Variants in SERPINE3 observed in about 807,000 individuals in gnomAD.
SERPINE3 encodes serpin E3.
In SERPINE3, 43 loss-of-function variants were observed where a neutral mutation model predicts 41.7. The observed-to-expected ratio is 1.03, with a 90% CI of 0.81 to 1.33. The LOEUF (loss-of-function observed/expected upper bound fraction) is 1.33, where lower values mean the gene tolerates loss of function less well. Ranked by LOEUF, SERPINE3 falls within the 40% of genes most tolerant of loss-of-function variation. The pLI is 0.00. For missense variants in SERPINE3, 440 were observed against 491.7 expected, an observed-to-expected ratio of 0.89 and a Z score of 0.99; for synonymous variants, 200 against 192.2, an observed-to-expected ratio of 1.04 and a Z score of -0.34.
Position 51,355,157 on chromosome 13 carries a change from T to G in SERPINE3, c.1000+14T>G. On this transcript the variant is annotated intron_variant, in intron 7 of 9. Transcript: ENST00000681248. ...AAGGAATTTCAGGTAAAAACGGTTC[T>G]TCTTCCAAACGTTCTAGCCGTGTAT... The G allele has an allele frequency of 1.9e-5, 26 of 1,344,640 alleles. No individual in the cohort carries two copies. Among genetic ancestry groups the G allele is most frequent in the Non-Finnish European group, 2.6e-5 (25 of 959,130 alleles). The allele number at this position is 1,344,640 out of a possible 1,614,324, so 83.3% of individuals were successfully genotyped here. A position where few individuals can be genotyped will look rare whatever the true frequency, so the allele number is the denominator to read the frequency against.
chr13:51,341,419 C>T, intron 3 of SERPINE3, 72 bp downstream of exon 3: 2 of 1,370,260 alleles, frequency 1.5e-6, no homozygotes, highest in Non-Finnish European at 2.0e-6. Context: ...GCTCACCCTC[C>T]TGCTCACACT....
At chr13:51,346,666 G>T (rs1955349410) in intron 4 of SERPINE3, among the ~76,000 whole-genome samples, 2 of 152,126 alleles carry the variant, frequency 1.3e-5, no homozygotes, top group South Asian at 4.1e-4. Context: ...CCCAGCAGGG[G>T]TTGTCATTGT....
rs77752528 is a variant in SERPINE3 at position 51,344,618 on chromosome 13, T to A, written c.490+133T>A. ...AGCAGAAGTCTGTCCTCTTAGGAGA[T>A]CCTACCCTTGAATGACAAGGGGACA... On this transcript the variant is annotated intron_variant, in intron 4 of 9. Transcript: ENST00000681248. 2,765 of 702,112 alleles carry A rather than the reference T, an allele frequency of 3.9e-3. 62 individuals carry two copies. In the African/African-American group the frequency reaches 0.045, roughly 11 times the overall value. 43.5% of individuals were successfully genotyped at this position (702,112 alleles called of 1,614,324 possible).
intron 7 of SERPINE3, among the ~76,000 whole-genome samples, chr13:51,360,796 A>T (rs191915176): frequency 6.6e-6 from 1 of 152,170 alleles, no homozygotes; most frequent in East Asian, 1.9e-4. Flanking sequence ...TTTGTCATTT[A>T]AAAGTGGCTC....
At position 51,348,202 on chromosome 13, in the gene SERPINE3, T is replaced by A; in HGVS notation, c.701-11T>A. The A allele has an allele frequency of 6.4e-7, 1 of 1,570,662 alleles. No individual in the cohort carries two copies. The highest frequency in any genetic ancestry group is 1.8e-5 in the Admixed American group (1 of 54,288). ...GGGACAGAGCTGACCTCTGATCCAC[T>A]GTACCCTCAGGTCAGTTCCAGGACA... On this transcript the variant is annotated splice_polypyrimidine_tract_variant and intron_variant, in intron 5 of 9. Transcript: ENST00000681248.
intron 6 of SERPINE3, among the ~76,000 whole-genome samples, chr13:51,351,403 G>A (rs888275411): frequency 1.3e-5 from 2 of 152,090 alleles, no homozygotes; most frequent in Non-Finnish European, 2.9e-5. Context: ...TGACTAATGA[G>A]GTAGAGCATC....
chr13:51,345,842 C>A lies in SERPINE3; in HGVS notation c.491-1183C>A, dbSNP rs781184588. ...CCAGAGAAGCAGCTCCCAGTGCAGG[C>A]TGATTGTCCTCTAAGAAAAAGGGGC... is the stretch of plus-strand genomic sequence containing the variant. On this transcript the variant is annotated intron_variant, in intron 4 of 9. Coordinates refer to ENST00000681248, the MANE Select transcript of SERPINE3 (RefSeq NM_001386375.1). Among the ~76,000 whole-genome samples the A allele has an allele frequency of 2.0e-5, 3 of 152,232 alleles. 1 individual carries two copies. Among genetic ancestry groups the A allele is most frequent in the Non-Finnish European group, 4.4e-5 (3 of 68,044 alleles).
At chr13:51,345,045 G>A (rs9563046) in intron 4 of SERPINE3, among the ~76,000 whole-genome samples, 17,637 of 152,292 alleles carry the variant, frequency 0.12, 1,273 homozygotes, top group South Asian at 0.21. Flanking sequence ...TTATACAGTT[G>A]TAATTATTAT....
At chr13:51,348,848 G>GTCCCCCCATGACCCCCTGAT (rs1439076333) in intron 6 of SERPINE3, among the ~76,000 whole-genome samples, 18 of 150,428 alleles carry the variant, frequency 1.2e-4, no homozygotes, top group African/African-American at 3.4e-4. Context: ...ACGTAATTGA[G>GTCCCCCCATGACCCCCTGAT]CAAGTACAGA....
intron 7 of SERPINE3, among the ~76,000 whole-genome samples, chr13:51,359,133 G>C (rs754199202): frequency 6.6e-6 from 1 of 152,040 alleles, no homozygotes; most frequent in Non-Finnish European, 1.5e-5. Flanking sequence ...AAAATAGGGC[G>C]TATGTCCCTC....
chr13:51,344,400 T>C lies in SERPINE3; in HGVS notation c.405T>C (p.Ala135=). 1 of 1,611,964 alleles carries C rather than the reference T, an allele frequency of 6.2e-7. No homozygotes were observed. Among genetic ancestry groups the C allele is most frequent in the Non-Finnish European group, 8.5e-7 (1 of 1,179,030 alleles). ...TTGTGGAGCACGTCTCCTGGTGGGC[T>C]AACAGCAGCCTGGAACCAGCCGACC... ...PCFVEHVSWW[A]NSSLEPADLS... The change falls in exon 4 of 10, where the codon GCT becomes GCC. Residue 135 remains alanine, a synonymous_variant. Transcript: ENST00000681248.
intron 6 of SERPINE3, among the ~76,000 whole-genome samples, chr13:51,350,840 T>C (rs1013271730): frequency 2.6e-5 from 4 of 152,114 alleles, no homozygotes; most frequent in Non-Finnish European, 4.4e-5. Context: ...TTGCTCTCAA[T>C]AGATTTGCCT....
chr13:51,348,588 G>A, intron 6 of SERPINE3, 177 bp downstream of exon 6: 1 of 573,836 alleles, frequency 1.7e-6, no homozygotes, highest in Non-Finnish European at 3.1e-6. Context: ...GTTCATTTCA[G>A]AGCCACTGCT....
At chr13:51,359,902 T>A (rs1955537553) in intron 7 of SERPINE3, among the ~76,000 whole-genome samples, 1 of 152,054 alleles carries the variant, frequency 6.6e-6, no homozygotes, top group Admixed American at 6.6e-5. Flanking sequence ...AAAGACCAAC[T>A]GCTAAAATAA....
chr13:51,361,825 A>G lies in SERPINE3; in HGVS notation c.1103A>G (p.Lys368Arg). 1 of 1,605,940 alleles carries G rather than the reference A, an allele frequency of 6.2e-7. No homozygotes were observed. The highest frequency in any genetic ancestry group is 8.5e-7 in the Non-Finnish European group (1 of 1,177,326). Residue 368 changes from lysine to arginine, a missense_variant, in exon 9 of 10, where the codon AAA (lysine) becomes AGA (arginine). Lys to Arg is a conservative substitution (Grantham distance 26, BLOSUM62 2). Coordinates refer to ENST00000681248, the MANE Select transcript of SERPINE3 (RefSeq NM_001386375.1). ...TTTCCTGCAGCTCTGTTGTTATTGA[A>G]AAGGTCTCGGATTCCTATTTTTAAA... ...ASGATALLLLKRSRIPIFKAD... is the reference protein window; with the variant it reads ...ASGATALLLLRRSRIPIFKAD...
chr13:51,344,592 C>A, intron 4 of SERPINE3, 107 bp downstream of exon 4: 1 of 833,080 alleles, frequency 1.2e-6, no homozygotes, highest in Non-Finnish European at 2.0e-6. Flanking sequence ...CCTTCAATTA[C>A]AGCAGAAGTC....
intron 6 of SERPINE3, among the ~76,000 whole-genome samples, chr13:51,351,741 TG>T (rs959222319): frequency 4.6e-5 from 7 of 152,134 alleles, no homozygotes; most frequent in Admixed American, 2.6e-4. Flanking sequence ...TTTAGGTGTA[TG>T]TTTTTTTTCC....
chr13:51,348,764 C>T (rs937853458), intron 6 of SERPINE3: 3 of 241,166 alleles, frequency 1.2e-5, no homozygotes, highest in African/African-American at 4.4e-5. Context: ...CTTGTAGGAA[C>T]GTTGCCCAAA....
intron 6 of SERPINE3, among the ~76,000 whole-genome samples, chr13:51,353,137 G>A (rs1349823608): frequency 1.3e-5 from 2 of 152,004 alleles, no homozygotes; most frequent in African/African-American, 4.8e-5. Context: ...TGCTGGATCT[G>A]CCTTCATAGC....
Sources: gnomAD v4.1 joint callset for allele counts (sites outside exome capture counted in the v4.1 genomes callset) on GRCh38, gnomAD v4.1.1 for gene constraint, MANE v1.5 for transcripts, NCBI Gene and HGNC (gene_info 2026-07-23, HGNC 2026-07-21) for gene names.